Variants in PRKAR1B observed in about 807,000 individuals in gnomAD.
PRKAR1B encodes the protein cAMP-dependent protein kinase type I-beta regulatory subunit.
In PRKAR1B, 22 loss-of-function variants were observed where a neutral mutation model predicts 46.5. The observed-to-expected ratio is 0.47, with a 90% confidence interval of 0.34 to 0.68. The LOEUF (loss-of-function observed/expected upper bound fraction) is 0.68, where lower values mean the gene tolerates loss of function less well. Among genes scored for constraint, PRKAR1B ranks in the 30% least tolerant of loss-of-function variants. The pLI, the probability that PRKAR1B is intolerant of heterozygous loss-of-function variation, is 0.01. For synonymous variants in PRKAR1B, 259 were observed against 217.7 expected (o/e 1.19, Z -1.67); for missense variants, 445 against 535.6 (o/e 0.83, Z 1.67).
intron 4 of PRKAR1B, among the ~76,000 whole-genome samples, chr7:632,279 C>T (rs959942278): frequency 7.2e-5 from 11 of 152,154 alleles, no homozygotes; most frequent in Admixed American, 3.9e-4. Flanking sequence ...TGCAGAAGGG[C>T]GCACATCTTC....
chr7:713,776 T>C (rs1412401464), intron 1 of PRKAR1B, among the ~76,000 whole-genome samples: 1 of 152,166 alleles, frequency 6.6e-6, no homozygotes, highest in African/African-American at 2.4e-5. Flanking sequence ...CCGAGCACAT[T>C]CCCCAGCAGG....
intron 2 of PRKAR1B, among the ~76,000 whole-genome samples, chr7:687,861 C>T (rs1484078340): frequency 2.0e-5 from 3 of 151,718 alleles, no homozygotes; most frequent in Non-Finnish European, 2.9e-5. Context: ...TTTGGGAGGC[C>T]GAGGCAGGCG....
At chr7:687,797 G>C (rs1298622018) in intron 2 of PRKAR1B, among the ~76,000 whole-genome samples, 1 of 151,998 alleles carries the variant, frequency 6.6e-6, no homozygotes, top group Non-Finnish European at 1.5e-5. Context: ...AATGCAGCCA[G>C]AAAAAAAGGC....
chr7:693,393 T>C (rs1054580668), intron 2 of PRKAR1B, among the ~76,000 whole-genome samples: 4 of 152,062 alleles, frequency 2.6e-5, no homozygotes, highest in Admixed American at 2.6e-4. Context: ...CCCTGTGCCA[T>C]TCAGCAGCTG....
intron 4 of PRKAR1B, among the ~76,000 whole-genome samples, chr7:669,128 G>A (rs887402988): frequency 6.6e-6 from 1 of 152,172 alleles, no homozygotes; most frequent in African/African-American, 2.4e-5. Context: ...CCGTGGAGTG[G>A]AATATTACTC....
At chr7:624,753 A>G (rs1783293492) in intron 4 of PRKAR1B, among the ~76,000 whole-genome samples, 1 of 152,234 alleles carries the variant, frequency 6.6e-6, no homozygotes, top group African/African-American at 2.4e-5. Context: ...AAACAGACAA[A>G]TGCACCATTA....
At chr7:646,804 G>T (rs1784641584) in intron 4 of PRKAR1B, among the ~76,000 whole-genome samples, 1 of 152,184 alleles carries the variant, frequency 6.6e-6, no homozygotes, top group South Asian at 2.1e-4. Context: ...TTAAAACCAA[G>T]ATTTAAATGC....
intron 2 of PRKAR1B, among the ~76,000 whole-genome samples, chr7:683,598 C>T (rs1432954806): frequency 6.6e-6 from 1 of 152,214 alleles, no homozygotes; most frequent in Non-Finnish European, 1.5e-5. Flanking sequence ...TGCTGAATGC[C>T]AGCCGCCATC....
At chr7:582,351 C>T (rs1048992454) in intron 8 of PRKAR1B, among the ~76,000 whole-genome samples, 1 of 152,248 alleles carries the variant, frequency 6.6e-6, no homozygotes, top group African/African-American at 2.4e-5. Context: ...ACAGAAATGC[C>T]GAAGCCCACG....
intron 9 of PRKAR1B, among the ~76,000 whole-genome samples, chr7:567,398 C>T (rs1327990375): frequency 6.7e-6 from 1 of 149,120 alleles, no homozygotes; most frequent in Non-Finnish European, 1.5e-5. Flanking sequence ...CCATCATCAT[C>T]ACCATCACCT....
chr7:663,990 TCCC>T lies in PRKAR1B; in HGVS notation c.440+13236_440+13238del, dbSNP rs368491048. ...CCCCCGCTGTCTCTGAGCCTCAGGGTCCCCCCCGACAAGTGGGAACAGGGTCAC... is the reference window on the plus strand; with the variant it reads ...CCCCCGCTGTCTCTGAGCCTCAGGGTCCCCGACAAGTGGGAACAGGGTCAC... On this transcript the variant is annotated intron_variant, in intron 4 of 10. Coordinates refer to ENST00000537384, the MANE Select transcript of PRKAR1B (RefSeq NM_001164760.2). Among the ~76,000 whole-genome samples the T allele has an allele frequency of 2.0e-4, 31 of 151,620 alleles. No homozygotes were observed. The East Asian group carries it at 4.3e-3, about 21-fold the overall frequency.
intron 4 of PRKAR1B, among the ~76,000 whole-genome samples, chr7:639,743 T>TTGA (rs1441982936): frequency 6.6e-6 from 1 of 152,046 alleles, no homozygotes; most frequent in East Asian, 1.9e-4. Flanking sequence ...TAGTCCCAGC[T>TTGA]ATTCAGGAGG....
chr7:600,936 C>T (rs903030207), intron 6 of PRKAR1B, among the ~76,000 whole-genome samples: 6 of 152,254 alleles, frequency 3.9e-5, no homozygotes, highest in Non-Finnish European at 7.3e-5. Context: ...ACACGGACGG[C>T]AGCAGGCACT....
chr7:670,869 C>T (rs1218213281), intron 4 of PRKAR1B, among the ~76,000 whole-genome samples: 1 of 152,018 alleles, frequency 6.6e-6, no homozygotes, highest in Non-Finnish European at 1.5e-5. Context: ...CGAGCTCCCC[C>T]ATGCCACGGC....
intron 8 of PRKAR1B, among the ~76,000 whole-genome samples, chr7:580,744 C>CAAA (rs754143077): frequency 8.5e-5 from 10 of 117,340 alleles, no homozygotes; most frequent in Admixed American, 2.7e-4. Flanking sequence ...TCTTTTTTGA[C>CAAA]AAAAAAAAAA....
chr7:653,124 C>T (rs931056990), intron 4 of PRKAR1B, among the ~76,000 whole-genome samples: 1 of 152,222 alleles, frequency 6.6e-6, no homozygotes, highest in East Asian at 1.9e-4. Flanking sequence ...TGGCATCACA[C>T]TTGCTAATGT....
upstream of PRKAR1B, among the ~76,000 whole-genome samples, chr7:728,454 T>A (rs1343415577): frequency 2.0e-5 from 3 of 152,164 alleles, no homozygotes; most frequent in African/African-American, 7.2e-5. Context: ...GGAGAATAGA[T>A]TCCAGAAGTA....
At chr7:639,121 A>G (rs185026542) in intron 4 of PRKAR1B, among the ~76,000 whole-genome samples, 1 of 152,312 alleles carries the variant, frequency 6.6e-6, no homozygotes, top group East Asian at 1.9e-4. Context: ...TCATACAGAA[A>G]TGTAAGGGCA....
intron 8 of PRKAR1B, among the ~76,000 whole-genome samples, chr7:582,204 G>C (rs1324111424): frequency 6.6e-6 from 1 of 152,286 alleles, no homozygotes; most frequent in Non-Finnish European, 1.5e-5. Flanking sequence ...GAATTCTGCA[G>C]ACTTGCAGCT....
Sources: gnomAD v4.1 joint callset for allele counts (sites outside exome capture counted in the v4.1 genomes callset) on GRCh38, gnomAD v4.1.1 for gene constraint, MANE v1.5 for transcripts, NCBI Gene and HGNC (gene_info 2026-07-23, HGNC 2026-07-21) for gene names.